TMEM108: variants seen among roughly 807,000 people sequenced by gnomAD.
TMEM108 encodes cancer/testis antigen 124.
A neutral mutation model predicts 35.1 loss-of-function variants in TMEM108; 12 were observed. That is an observed-to-expected ratio of 0.34 (90% CI 0.22 to 0.55). The LOEUF is 0.55. Ranked by LOEUF, TMEM108 falls within the 20% of genes least tolerant of loss-of-function variation. The probability of loss-of-function intolerance (pLI) is 0.89; values close to 1 mark genes in which losing one functional copy is unlikely to be tolerated. For synonymous variants in TMEM108, 287 were observed against 308.6 expected (o/e 0.93, Z 0.73); for missense variants, 680 against 753.3 (o/e 0.90, Z 1.14).
intron 3 of TMEM108, among the ~76,000 whole-genome samples, chr3:133,322,155 C>T (rs1034640430): frequency 6.6e-6 from 1 of 151,840 alleles, no homozygotes; most frequent in African/African-American, 2.4e-5. Context: ...CCAAACCCGG[C>T]AGAAGAAAAG....
intron 4 of TMEM108, chr3:133,389,273 T>A: frequency 3.0e-6 from 3 of 985,500 alleles, no homozygotes; most frequent in Non-Finnish European, 3.6e-6. Context: ...GTCTCAGGGA[T>A]GAACAGACAG....
rs1015795112 is a variant in TMEM108 at position 133,397,491 on chromosome 3, C to G, written c.*1505C>G. Reference sequence around the variant, plus strand: ...GTCTCTCTTCAAAGACTCTTCAACCCACAAAGAAGCAACTAAATGTTTCTC... The same window carrying G: ...GTCTCTCTTCAAAGACTCTTCAACCGACAAAGAAGCAACTAAATGTTTCTC... On this transcript the variant is annotated 3_prime_UTR_variant, in exon 6 of 6. Coordinates refer to ENST00000321871, the MANE Select transcript of TMEM108 (RefSeq NM_023943.4). 1 of 151,888 alleles carries G rather than the reference C, an allele frequency of 6.6e-6. No individual in the cohort carries two copies. The highest frequency in any genetic ancestry group is 1.5e-5 in the Non-Finnish European group (1 of 67,998). The allele number at this position is 151,888 out of a possible 1,614,324, so 9.4% of individuals were successfully genotyped here.
At chr3:133,122,680 A>G (rs1380305512) in intron 2 of TMEM108, among the ~76,000 whole-genome samples, 1 of 151,912 alleles carries the variant, frequency 6.6e-6, no homozygotes, top group Non-Finnish European at 1.5e-5. Flanking sequence ...TGGCTAACAC[A>G]GTGAAACCCC....
At chr3:133,228,718 G>T (rs1946109943) in intron 2 of TMEM108, among the ~76,000 whole-genome samples, 1 of 152,008 alleles carries the variant, frequency 6.6e-6, no homozygotes, top group African/African-American at 2.4e-5. Context: ...TTATTTGTGG[G>T]ATTATGGATA....
At chr3:133,368,626 T>G (rs985043381) in intron 3 of TMEM108, among the ~76,000 whole-genome samples, 4 of 149,736 alleles carry the variant, frequency 2.7e-5, no homozygotes, top group Non-Finnish European at 4.4e-5. Context: ...GATAAATACA[T>G]GCACTCACAC....
At chr3:133,329,299 A>T (rs1293214302) in intron 3 of TMEM108, among the ~76,000 whole-genome samples, 2 of 152,154 alleles carry the variant, frequency 1.3e-5, no homozygotes, top group African/African-American at 4.8e-5. Flanking sequence ...AGTCGCCTTC[A>T]CTAGAATCAG....
chr3:133,046,656 G>A (rs1030210631), intron 2 of TMEM108, among the ~76,000 whole-genome samples: 3 of 152,130 alleles, frequency 2.0e-5, no homozygotes, highest in Non-Finnish European at 4.4e-5. Flanking sequence ...AACCAAAACT[G>A]GTTTTGAATT....
chr3:133,262,737 C>T lies in TMEM108; in HGVS notation c.40+33386C>T, dbSNP rs534431420. ...CCGCTGTGTGCCAAGCCCCACTAGG[C>T]GGGGGATGCACACAAGAGAAGATAT... On this transcript the variant is annotated intron_variant, in intron 3 of 5. Coordinates refer to ENST00000321871, the MANE Select transcript of TMEM108 (RefSeq NM_023943.4). Among the ~76,000 whole-genome samples, 17 of 152,312 alleles carry T rather than the reference C, an allele frequency of 1.1e-4. No homozygotes were observed. The South Asian group carries it at 1.2e-3, about 11-fold the overall frequency.
intron 2 of TMEM108, among the ~76,000 whole-genome samples, chr3:133,179,881 A>G (rs1481662447): frequency 7.6e-6 from 1 of 132,194 alleles, no homozygotes; most frequent in Non-Finnish European, 1.7e-5. Flanking sequence ...TACAAGCCTT[A>G]TCAAAAAAAA....
chr3:133,126,726 T>A (rs1944422189), intron 2 of TMEM108, among the ~76,000 whole-genome samples: 1 of 152,286 alleles, frequency 6.6e-6, no homozygotes, highest in Middle Eastern at 3.4e-3. Context: ...GAGGATTGGT[T>A]CCAGGACTCC....
At chr3:133,279,201 C>G (rs1946878812) in intron 3 of TMEM108, among the ~76,000 whole-genome samples, 1 of 152,212 alleles carries the variant, frequency 6.6e-6, no homozygotes, top group South Asian at 2.1e-4. Flanking sequence ...CAGCACAGGT[C>G]TACGTGCATG....
At chr3:133,188,805 C>T in intron 2 of TMEM108, among the ~76,000 whole-genome samples, 1 of 152,210 alleles carries the variant, frequency 6.6e-6, no homozygotes, top group South Asian at 2.1e-4. Flanking sequence ...GGGCCCAATG[C>T]AGGTTGACAG....
At chr3:133,163,794 G>T (rs1202479897) in intron 2 of TMEM108, among the ~76,000 whole-genome samples, 1 of 152,102 alleles carries the variant, frequency 6.6e-6, no homozygotes, top group Non-Finnish European at 1.5e-5. Flanking sequence ...TTGCCATTGG[G>T]TGTAGCATCC....
At chr3:133,266,500 G>A (rs534627695) in intron 3 of TMEM108, among the ~76,000 whole-genome samples, 30 of 152,240 alleles carry the variant, frequency 2.0e-4, no homozygotes, top group African/African-American at 6.3e-4. Context: ...GTGTTGTTTC[G>A]TCATAGTGTA....
intron 3 of TMEM108, among the ~76,000 whole-genome samples, chr3:133,231,870 C>A (rs1034595857): frequency 6.6e-6 from 1 of 152,082 alleles, no homozygotes; most frequent in Non-Finnish European, 1.5e-5. Context: ...CCTAAGTCTC[C>A]TCAATTATTC....
chr3:133,110,115 A>G (rs1944207236), intron 2 of TMEM108, among the ~76,000 whole-genome samples: 1 of 152,014 alleles, frequency 6.6e-6, no homozygotes, highest in South Asian at 2.1e-4. Context: ...CCCTCAGAGG[A>G]TCAGTGAAAA....
chr3:133,287,014 C>T (rs1485104161), intron 3 of TMEM108, among the ~76,000 whole-genome samples: 1 of 152,060 alleles, frequency 6.6e-6, no homozygotes, highest in Non-Finnish European at 1.5e-5. Flanking sequence ...TTTCCGCTTC[C>T]AACAGTTGAA....
At position 133,334,959 on chromosome 3, in the gene TMEM108, C is replaced by T. The variant is rs145272586; in HGVS notation, c.41-44793C>T. ...GGAATGGGTAAGCCCTTTATCAAGC[C>T]CACCAGCTTGATAAATTTCTTATTT... On this transcript the variant is annotated intron_variant, in intron 3 of 5. Coordinates refer to ENST00000321871, the MANE Select transcript of TMEM108 (RefSeq NM_023943.4). Among the ~76,000 whole-genome samples the T allele has an allele frequency of 4.2e-3, 644 of 152,068 alleles. 2 individuals carry two copies. The highest frequency in any genetic ancestry group is 0.014 in the African/African-American group (598 of 41,468).
intron 3 of TMEM108, among the ~76,000 whole-genome samples, chr3:133,236,260 A>C (rs1190683672): frequency 6.6e-6 from 1 of 152,118 alleles, no homozygotes; most frequent in Non-Finnish European, 1.5e-5. Context: ...GTCTGTGTCA[A>C]ATCACACAAA....
Sources: allele counts gnomAD v4.1 joint callset (sites outside exome capture counted in the v4.1 genomes callset), GRCh38; gene constraint gnomAD v4.1.1; transcripts MANE v1.5; gene names NCBI Gene and HGNC (gene_info 2026-07-23, HGNC 2026-07-21).